Variants in TTC28 observed in about 807,000 individuals in gnomAD.
TTC28 encodes tetratricopeptide repeat protein 28.
A neutral mutation model predicts 198.0 loss-of-function variants in TTC28; 61 were observed. The observed-to-expected ratio is 0.31, with a 90% CI of 0.25 to 0.38. TTC28 has a LOEUF of 0.38. Among genes scored for constraint, TTC28 ranks in the 10% least tolerant of loss-of-function variants. The pLI is 1.00. For synonymous variants in TTC28, 1,171 were observed against 1,297.8 expected, an observed-to-expected ratio of 0.90 and a Z score of 2.10; for missense variants, 2,678 against 3,164.0, an observed-to-expected ratio of 0.85 and a Z score of 3.69.
At position 27,998,706 on chromosome 22, in the gene TTC28, C is replaced by G; in HGVS notation, c.4953G>C (p.Gln1651His). The G allele has an allele frequency of 6.4e-7, 1 of 1,550,930 alleles. No individual in the cohort carries two copies. Among genetic ancestry groups the G allele is most frequent in the Non-Finnish European group, 8.7e-7 (1 of 1,147,014 alleles). Reference sequence around the variant, plus strand: ...CAGGCCACAGAGACACGAGGACACACTGAGCGCCGGCAGCCAGGAAGGCCC... The same window carrying G: ...CAGGCCACAGAGACACGAGGACACAGTGAGCGCCGGCAGCCAGGAAGGCCC... Reference protein sequence around the residue: ...LTRAFLAAGAQCVLVSLWPVP... With the variant: ...LTRAFLAAGAHCVLVSLWPVP... The change falls in exon 16 of 23, where the codon CAG becomes CAC. Residue 1651 changes from glutamine to histidine, a missense_variant. Coordinates refer to ENST00000397906, the MANE Select transcript of TTC28 (RefSeq NM_001145418.2).
intron 12 of TTC28, among the ~76,000 whole-genome samples, chr22:28,041,746 A>T (rs1303835817): frequency 1.3e-5 from 2 of 152,160 alleles, no homozygotes; most frequent in Non-Finnish European, 2.9e-5. Context: ...ATCTAATTAA[A>T]CTAAAGAGCT....
At chr22:28,524,459 CAAAAAAA>C (rs34261097) in intron 2 of TTC28, among the ~76,000 whole-genome samples, 2 of 59,248 alleles carry the variant, frequency 3.4e-5, no homozygotes, top group South Asian at 5.3e-4. Context: ...GAAGCCAGCT[CAAAAAAA>C]AAAAAAAAAA....
intron 5 of TTC28, among the ~76,000 whole-genome samples, chr22:28,165,499 C>A (rs1001183483): frequency 5.3e-5 from 8 of 151,534 alleles, no homozygotes; most frequent in Admixed American, 1.3e-4. Flanking sequence ...ACTCTACAAG[C>A]CAGAAGAGAG....
chr22:28,518,382 C>T (rs951075821), intron 2 of TTC28, among the ~76,000 whole-genome samples: 36 of 152,112 alleles, frequency 2.4e-4, no homozygotes, highest in African/African-American at 8.7e-4. Flanking sequence ...TTGGGAGGCC[C>T]AGACACGAGG....
intron 17 of TTC28, among the ~76,000 whole-genome samples, chr22:27,995,444 GA>G (rs1252159952): frequency 6.6e-6 from 1 of 152,162 alleles, no homozygotes; most frequent in African/African-American, 2.4e-5. Flanking sequence ...GGTTGTTCCC[GA>G]GGTAGAAGGA....
rs1925689045 is a variant in TTC28 at position 28,199,386 on chromosome 22, TATATATATA to T, written c.934-35796_934-35788del. Among the ~76,000 whole-genome samples, 7 of 4,246 alleles carry T rather than the reference TATATATATA, an allele frequency of 1.6e-3. 1 individual carries two copies. The highest frequency in any genetic ancestry group is 2.9e-3 in the Non-Finnish European group (5 of 1,702). 2.8% of individuals were successfully genotyped at this position (4,246 alleles called of 152,430 possible). ...ATAATGCCACTTACATTAAAAATTA[TATATATATA>T]TATATATATATATATATATATATAT... On this transcript the variant is annotated intron_variant, in intron 5 of 22. Coordinates refer to ENST00000397906, the MANE Select transcript of TTC28 (RefSeq NM_001145418.2).
intron 2 of TTC28, among the ~76,000 whole-genome samples, chr22:28,541,201 T>C (rs1473871538): frequency 6.6e-6 from 1 of 152,196 alleles, no homozygotes; most frequent in Non-Finnish European, 1.5e-5. Context: ...AAAACAACTG[T>C]TTTTAGAAAC....
At chr22:28,607,278 C>G (rs1309599083) in intron 2 of TTC28, among the ~76,000 whole-genome samples, 1 of 152,128 alleles carries the variant, frequency 6.6e-6, no homozygotes, top group East Asian at 1.9e-4. Context: ...GGGTTAAATA[C>G]ACTTATATGT....
intron 10 of TTC28, 117 bp downstream of exon 10, chr22:28,098,798 T>A: frequency 7.6e-7 from 1 of 1,311,054 alleles, no homozygotes. Context: ...CTTCACAGTC[T>A]GTTGTCACAA....
At chr22:28,207,326 A>G (rs1926511873) in intron 5 of TTC28, among the ~76,000 whole-genome samples, 1 of 151,794 alleles carries the variant, frequency 6.6e-6, no homozygotes, top group South Asian at 2.1e-4. Flanking sequence ...CACTACAAGC[A>G]TTCCACTAGA....
chr22:28,143,829 A>C (rs1943398729), intron 6 of TTC28, among the ~76,000 whole-genome samples: 1 of 152,240 alleles, frequency 6.6e-6, no homozygotes, highest in Non-Finnish European at 1.5e-5. Context: ...TTATTTTTTC[A>C]CCAGCAAAGG....
chr22:28,039,376 T>C (rs545387128), intron 12 of TTC28, among the ~76,000 whole-genome samples: 1 of 152,104 alleles, frequency 6.6e-6, no homozygotes, highest in Non-Finnish European at 1.5e-5. Context: ...TGTAGGGACA[T>C]GGATGAAGCT....
chr22:28,486,415 G>A (rs2048315586), intron 2 of TTC28, among the ~76,000 whole-genome samples: 1 of 152,156 alleles, frequency 6.6e-6, no homozygotes, highest in Admixed American at 6.5e-5. Context: ...AGTGTCCCAA[G>A]TGGCAAAGTC....
intron 2 of TTC28, among the ~76,000 whole-genome samples, chr22:28,404,647 T>C (rs1274369040): frequency 9.2e-5 from 14 of 152,210 alleles, no homozygotes; most frequent in Non-Finnish European, 2.1e-4. Context: ...CACTCACCCC[T>C]GATTTTCTCA....
At chr22:28,554,327 C>T (rs1267511310) in intron 2 of TTC28, among the ~76,000 whole-genome samples, 1 of 150,530 alleles carries the variant, frequency 6.6e-6, no homozygotes, top group East Asian at 1.9e-4. Flanking sequence ...GTCCTATGAC[C>T]CTGCCAAATC....
At chr22:28,312,889 CA>C (rs1160931400) in intron 2 of TTC28, among the ~76,000 whole-genome samples, 9 of 151,738 alleles carry the variant, frequency 5.9e-5, no homozygotes, top group Non-Finnish European at 1.0e-4. Flanking sequence ...GATAGAGACA[CA>C]AAAAAACCTT....
At chr22:28,656,556 T>C (rs1006194470) in intron 1 of TTC28, among the ~76,000 whole-genome samples, 2 of 152,146 alleles carry the variant, frequency 1.3e-5, no homozygotes, top group Non-Finnish European at 2.9e-5. Context: ...ATAAACAAGA[T>C]GGATGGATAT....
chr22:28,140,050 G>T (rs1181155360), intron 6 of TTC28, among the ~76,000 whole-genome samples: 2 of 152,206 alleles, frequency 1.3e-5, no homozygotes, highest in Non-Finnish European at 1.5e-5. Context: ...TCAGGTCTGG[G>T]TGTAGTCCTG....
intron 2 of TTC28, among the ~76,000 whole-genome samples, chr22:28,382,772 GA>G (rs1458339566): frequency 6.6e-6 from 1 of 152,176 alleles, no homozygotes; most frequent in Non-Finnish European, 1.5e-5. Context: ...CAGAGATAAA[GA>G]GGGACATTTA....
Sources: gnomAD v4.1 joint callset for allele counts (sites outside exome capture counted in the v4.1 genomes callset) on GRCh38, gnomAD v4.1.1 for gene constraint, MANE v1.5 for transcripts, NCBI Gene and HGNC (gene_info 2026-07-23, HGNC 2026-07-21) for gene names.